SEMA6D: variants seen among roughly 807,000 people sequenced by gnomAD.
SEMA6D encodes semaphorin 6D.
In SEMA6D, 35 loss-of-function variants were observed where a neutral mutation model predicts 106.6. The observed-to-expected ratio is 0.33, with a 90% CI of 0.25 to 0.44. The LOEUF (loss-of-function observed/expected upper bound fraction) is 0.44. Among genes scored for constraint, SEMA6D ranks in the 20% least tolerant of loss-of-function variants. The probability of loss-of-function intolerance (pLI) is 1.00; values close to 1 mark genes in which losing one functional copy is unlikely to be tolerated. For synonymous variants in SEMA6D, 499 were observed against 487.7 expected, an observed-to-expected ratio of 1.02 and a Z score of -0.31; for missense variants, 1,185 against 1,345.9, an observed-to-expected ratio of 0.88 and a Z score of 1.87.
At chr15:47,387,984 A>G (rs994658081) in intron 1 of SEMA6D, among the ~76,000 whole-genome samples, 1 of 152,184 alleles carries the variant, frequency 6.6e-6, no homozygotes, top group African/African-American at 2.4e-5. Flanking sequence ...AAGTGCCATT[A>G]TTGTCTAAAA....
chr15:47,656,811 G>A (rs1052299576), intron 4 of SEMA6D, among the ~76,000 whole-genome samples: 6 of 152,186 alleles, frequency 3.9e-5, no homozygotes, highest in African/African-American at 1.2e-4. Flanking sequence ...TTTGCAAACA[G>A]CTACAAAACA....
intron 1 of SEMA6D, among the ~76,000 whole-genome samples, chr15:47,277,580 ATAT>A (rs747605039): frequency 2.9e-4 from 31 of 107,356 alleles, no homozygotes; most frequent in African/African-American, 8.5e-4. Flanking sequence ...TAAGGTATGT[ATAT>A]TATTATTATT....
intron 1 of SEMA6D, among the ~76,000 whole-genome samples, chr15:47,289,226 T>A (rs939210258): frequency 3.3e-5 from 5 of 151,766 alleles, no homozygotes; most frequent in African/African-American, 1.2e-4. Flanking sequence ...AAACCCTGTC[T>A]CTACTAAATA....
chr15:47,199,655 C>T (rs1012177276), intron 1 of SEMA6D, among the ~76,000 whole-genome samples: 1 of 152,104 alleles, frequency 6.6e-6, no homozygotes, highest in Admixed American at 6.6e-5. Flanking sequence ...TCCATCTTGA[C>T]CTGTGCTCAA....
chr15:47,240,784 T>C (rs1341887098), intron 1 of SEMA6D, among the ~76,000 whole-genome samples: 2 of 152,174 alleles, frequency 1.3e-5, no homozygotes, highest in African/African-American at 2.4e-5. Flanking sequence ...ATTCATTGAT[T>C]AGTCAAGGCC....
intron 1 of SEMA6D, among the ~76,000 whole-genome samples, chr15:47,739,937 C>T (rs2080700977): frequency 6.6e-6 from 1 of 152,166 alleles, no homozygotes; most frequent in African/African-American, 2.4e-5. Context: ...TATATTAAGT[C>T]TACAACCCTG....
intron 1 of SEMA6D, among the ~76,000 whole-genome samples, chr15:47,407,400 C>CAAAAAA (rs1272439298): frequency 2.3e-5 from 2 of 85,220 alleles, no homozygotes; most frequent in Non-Finnish European, 5.4e-5. Flanking sequence ...AAAACAACAA[C>CAAAAAA]AACAACAACA....
intron 3 of SEMA6D, among the ~76,000 whole-genome samples, chr15:47,587,735 G>A (rs535635382): frequency 1.3e-5 from 2 of 152,192 alleles, no homozygotes; most frequent in African/African-American, 4.8e-5. Flanking sequence ...AAAACAGGTG[G>A]TGGGGCCAGA....
chr15:47,431,403 G>C (rs1455031963), intron 2 of SEMA6D, among the ~76,000 whole-genome samples: 2 of 152,056 alleles, frequency 1.3e-5, no homozygotes, highest in Non-Finnish European at 2.9e-5. Context: ...AACATTACCT[G>C]GAGACTAAAT....
chr15:47,336,143 A>G (rs1313896665), intron 1 of SEMA6D, among the ~76,000 whole-genome samples: 1 of 152,198 alleles, frequency 6.6e-6, no homozygotes, highest in Non-Finnish European at 1.5e-5. Context: ...GAACAGAAAA[A>G]TGTAAAGGTT....
chr15:47,536,369 G>A (rs1348677430), intron 3 of SEMA6D, among the ~76,000 whole-genome samples: 2 of 152,174 alleles, frequency 1.3e-5, no homozygotes, highest in African/African-American at 2.4e-5. Flanking sequence ...CTATTAAGAG[G>A]TGAAAAGTTC....
At chr15:47,564,284 G>A (rs1279930594) in intron 3 of SEMA6D, among the ~76,000 whole-genome samples, 1 of 152,198 alleles carries the variant, frequency 6.6e-6, no homozygotes, top group Non-Finnish European at 1.5e-5. Flanking sequence ...AATGAGGAAA[G>A]TGGTGGTATT....
intron 1 of SEMA6D, among the ~76,000 whole-genome samples, chr15:47,406,396 G>C (rs1388538465): frequency 6.6e-6 from 1 of 152,088 alleles, no homozygotes; most frequent in East Asian, 1.9e-4. Context: ...TGTAAATGGG[G>C]CATAATAATA....
intron 1 of SEMA6D, among the ~76,000 whole-genome samples, chr15:47,394,760 A>C (rs980614330): frequency 6.6e-5 from 10 of 152,202 alleles, no homozygotes; most frequent in African/African-American, 2.4e-4. Flanking sequence ...TCCTTTAGTT[A>C]TAATTTGATT....
chr15:47,673,629 C>T (rs967949890), intron 4 of SEMA6D, among the ~76,000 whole-genome samples: 5 of 152,182 alleles, frequency 3.3e-5, no homozygotes, highest in Non-Finnish European at 1.5e-5. Flanking sequence ...AGCTGAAAAA[C>T]AACCCAGTCT....
intron 1 of SEMA6D, among the ~76,000 whole-genome samples, chr15:47,370,660 C>T (rs538930068): frequency 1.2e-3 from 142 of 121,846 alleles, no homozygotes; most frequent in African/African-American, 4.6e-3. Flanking sequence ...ATCTGTCCAA[C>T]ATGGTAAAGC....
At chr15:47,488,138 G>A (rs967058904) in intron 3 of SEMA6D, among the ~76,000 whole-genome samples, 3 of 149,378 alleles carry the variant, frequency 2.0e-5, no homozygotes, top group Non-Finnish European at 4.4e-5. Context: ...TTACATTTTT[G>A]TTTCTGTCAT....
At chr15:47,260,641 T>C (rs1258870161) in intron 1 of SEMA6D, among the ~76,000 whole-genome samples, 2 of 152,128 alleles carry the variant, frequency 1.3e-5, no homozygotes, top group Admixed American at 6.5e-5. Flanking sequence ...GTTGGAGGGA[T>C]CTCAGGCCCA....
intron 1 of SEMA6D, among the ~76,000 whole-genome samples, chr15:47,204,514 G>C (rs1894925457): frequency 6.6e-6 from 1 of 152,130 alleles, no homozygotes; most frequent in Admixed American, 6.5e-5. Flanking sequence ...CACCTGGTCA[G>C]TTGAGGTCTG....
Sources: allele counts gnomAD v4.1 joint callset (sites outside exome capture counted in the v4.1 genomes callset), GRCh38; gene constraint gnomAD v4.1.1; transcripts MANE v1.5; gene names NCBI Gene and HGNC (gene_info 2026-07-23, HGNC 2026-07-21).